Variants in APOBEC1 observed in about 807,000 individuals in gnomAD.
The protein encoded by APOBEC1 is C->U-editing enzyme APOBEC-1.
A neutral mutation model predicts 26.3 loss-of-function variants in APOBEC1; 22 were observed. The ratio of observed to expected loss-of-function variants is 0.84; its 90% CI spans 0.60 to 1.19. The LOEUF is 1.19. Ranked by LOEUF, APOBEC1 falls within the 50% of genes most tolerant of loss-of-function variation. The pLI is 0.00. For missense variants in APOBEC1, 253 were observed against 289.0 expected (o/e 0.88, Z 0.90); for synonymous variants, 77 against 95.3 (o/e 0.81, Z 1.12).
intron 1 of APOBEC1, among the ~76,000 whole-genome samples, chr12:7,660,701 T>TAAAAAAAAAAA (rs34455959): frequency 8.3e-6 from 1 of 120,056 alleles, no homozygotes; most frequent in Non-Finnish European, 1.7e-5. Context: ...AGATTCCATC[T>TAAAAAAAAAAA]AAAAAAAAAA....
At chr12:7,656,442 C>G (rs1293966844) in intron 1 of APOBEC1, among the ~76,000 whole-genome samples, 1 of 152,072 alleles carries the variant, frequency 6.6e-6, no homozygotes, top group Non-Finnish European at 1.5e-5. Flanking sequence ...ATATGGACCC[C>G]GCACTCTAGA....
At chr12:7,666,913 C>CT (rs111464102), upstream of APOBEC1, among the ~76,000 whole-genome samples, 354 of 142,430 alleles carry the variant, frequency 2.5e-3, 2 homozygotes, top group Middle Eastern at 0.022. Context: ...CACTTCTGCC[C>CT]TTTTTTTTTT....
At chr12:7,669,302 C>T (rs1009892726), upstream of APOBEC1, among the ~76,000 whole-genome samples, 3 of 151,480 alleles carry the variant, frequency 2.0e-5, no homozygotes, top group Admixed American at 1.3e-4. Context: ...TCTGTAAAAT[C>T]GGTCTACATG....
At chr12:7,651,446 C>G (rs1392062036) in intron 3 of APOBEC1, among the ~76,000 whole-genome samples, 1 of 151,874 alleles carries the variant, frequency 6.6e-6, no homozygotes, top group Non-Finnish European at 1.5e-5. Flanking sequence ...AACCCCGTCT[C>G]TACTAAAAAT....
chr12:7,665,778 C>T, intron 1 of APOBEC1, 79 bp downstream of exon 1: 6 of 1,162,466 alleles, frequency 5.2e-6, no homozygotes, highest in Non-Finnish European at 7.7e-6. Flanking sequence ...CACACACACA[C>T]ACACACACAC....
chr12:7,653,048 A>G (rs1294241460), intron 2 of APOBEC1, among the ~76,000 whole-genome samples: 1 of 151,920 alleles, frequency 6.6e-6, no homozygotes, highest in Non-Finnish European at 1.5e-5. Context: ...TTCTGCCTCA[A>G]CTTCCCAAGT....
At chr12:7,652,324 G>T in intron 3 of APOBEC1, 114 bp downstream of exon 3, 2 of 926,204 alleles carry the variant, frequency 2.2e-6, no homozygotes, top group Non-Finnish European at 3.1e-6. Context: ...ACATTATTTT[G>T]GACTTTTACT....
At chr12:7,663,392 C>T (rs1413823205) in intron 1 of APOBEC1, among the ~76,000 whole-genome samples, 1 of 152,062 alleles carries the variant, frequency 6.6e-6, no homozygotes, top group East Asian at 1.9e-4. Context: ...AGTCAGGAAA[C>T]ACTATTCCAA....
rs765832841 is a variant in APOBEC1, at chr12:7,652,912, CTTTTTTTAT to C, written c.45-86_45-78del. 128 of 1,045,486 alleles carry C rather than the reference CTTTTTTTAT, an allele frequency of 1.2e-4. 8 individuals are homozygous for C. The Middle Eastern group carries it at 1.2e-3, about 10-fold the overall frequency. 64.8% of individuals were successfully genotyped at this position (1,045,486 alleles called of 1,614,324 possible). On this transcript the variant is annotated intron_variant, in intron 2 of 4. Coordinates refer to ENST00000229304, the MANE Select transcript of APOBEC1 (RefSeq NM_001644.5). ...AGAAATCTTTTCCTGCTCCCCTCTTCTTTTTTTATTTTATTTTATTTTATTTTATTTTTT... is the reference window on the plus strand; with the variant it reads ...AGAAATCTTTTCCTGCTCCCCTCTTCTTTATTTTATTTTATTTTATTTTTT...
intron 1 of APOBEC1, 32 bp from the exon 2 acceptor site, chr12:7,654,664 C>A: frequency 6.2e-7 from 1 of 1,610,384 alleles, no homozygotes; most frequent in East Asian, 2.2e-5. Context: ...TGTCAAACAA[C>A]ACTCAAATAT....
intron 1 of APOBEC1, among the ~76,000 whole-genome samples, chr12:7,658,765 C>G (rs139977087): frequency 4.4e-4 from 67 of 151,732 alleles, no homozygotes; most frequent in African/African-American, 1.5e-3. Context: ...CCAGCCTGAC[C>G]AACATGGCGA....
At chr12:7,665,470 G>T (rs1592064663) in intron 1 of APOBEC1, among the ~76,000 whole-genome samples, 1 of 151,716 alleles carries the variant, frequency 6.6e-6, no homozygotes, top group Non-Finnish European at 1.5e-5. Context: ...GCTAATTTTT[G>T]TATTTTTAGT....
chr12:7,651,920 A>C (rs1220996676), intron 3 of APOBEC1, among the ~76,000 whole-genome samples: 1 of 151,866 alleles, frequency 6.6e-6, no homozygotes, highest in Non-Finnish European at 1.5e-5. Context: ...TCCCGGGTTC[A>C]CGCCATTCTC....
chr12:7,654,234 A>G lies in APOBEC1; in HGVS notation c.44+371T>C, dbSNP rs78377629. ...GCAAGCTAGAAAATCATTTATTTAA[A>G]GAGATCAAAAGACATAAGAGCAAAG... On this transcript the variant is annotated intron_variant, in intron 2 of 4. Transcript: ENST00000229304. Among the ~76,000 whole-genome samples the G allele has an allele frequency of 8.2e-3, 1,248 of 152,320 alleles. 20 individuals are homozygous for G. Among genetic ancestry groups the G allele is most frequent in the African/African-American group, 0.028 (1,167 of 41,570 alleles).
rs1565439976 is a variant in APOBEC1, at chr12:7,652,783, GA to G, written c.96del (p.Arg33ValfsTer14). On this transcript the variant is annotated frameshift_variant, in exon 3 of 5. Transcript: ENST00000229304. LOFTEE classifies it high-confidence loss of function. ...TCGTAGAGCAGACAGGCCTCTTTAC[GA>G]AGTTCTCTGGGGTCATAGAAGACGT... ...EFDVFYDPRE[L>X]RKEACLLYEI... is the part of the protein sequence containing the mutation. 1 of 1,613,554 alleles carries G rather than the reference GA, an allele frequency of 6.2e-7. No individual in the cohort carries two copies. The highest frequency in any genetic ancestry group is 1.7e-5 in the Admixed American group (1 of 59,952).
At chr12:7,651,946 G>C (rs756717205) in intron 3 of APOBEC1, among the ~76,000 whole-genome samples, 2 of 151,692 alleles carry the variant, frequency 1.3e-5, no homozygotes, top group Admixed American at 6.6e-5. Context: ...TCAGCCTCCC[G>C]AGTAGCTGGG....
intron 4 of APOBEC1, among the ~76,000 whole-genome samples, chr12:7,649,903 C>T (rs1043738412): frequency 5.3e-5 from 8 of 151,920 alleles, no homozygotes; most frequent in African/African-American, 1.9e-4. Context: ...GCAGCCTCAA[C>T]CTCCTAGGCT....
chr12:7,667,930 A>AG (rs1461324433), upstream of APOBEC1, among the ~76,000 whole-genome samples: 10 of 151,556 alleles, frequency 6.6e-5, no homozygotes, highest in South Asian at 2.1e-4. Context: ...AAGAAAAAAA[A>AG]AAAAAGGTAA....
chr12:7,660,665 T>C (rs2136852469), intron 1 of APOBEC1, among the ~76,000 whole-genome samples: 1 of 136,406 alleles, frequency 7.3e-6, no homozygotes. Flanking sequence ...AATGTGCCAC[T>C]GCACTCCACC....
Sources: gnomAD v4.1 joint callset for allele counts (sites outside exome capture counted in the v4.1 genomes callset) on GRCh38, gnomAD v4.1.1 for gene constraint, MANE v1.5 for transcripts, NCBI Gene and HGNC (gene_info 2026-07-23, HGNC 2026-07-21) for gene names.